FZD8: variants seen among roughly 807,000 people sequenced by gnomAD.
The protein encoded by FZD8 is frizzled-8.
FZD8 carries 18 observed loss-of-function variants against 46.0 expected under a neutral mutation model. That is an observed-to-expected ratio of 0.39 (90% CI 0.27 to 0.58). The LOEUF is 0.58. FZD8 is among the 20% of genes least tolerant of loss of function. The probability of loss-of-function intolerance (pLI) is 0.55; values close to 1 mark genes in which losing one functional copy is unlikely to be tolerated. For synonymous variants in FZD8, 586 were observed against 467.9 expected, an observed-to-expected ratio of 1.25 and a Z score of -3.26; for missense variants, 785 against 983.4, an observed-to-expected ratio of 0.80 and a Z score of 2.70.
In FZD8 at chr10:35,639,131, A is replaced by AGGGGCT. The variant is rs1835808082; in HGVS notation, c.*208_*213dup. 2 of 184,580 alleles carry AGGGGCT rather than the reference A, an allele frequency of 1.1e-5. No individual in the cohort carries two copies. Among genetic ancestry groups the AGGGGCT allele is most frequent in the African/African-American group, 4.7e-5 (2 of 42,324 alleles). The allele number at this position is 184,580 out of a possible 1,614,324, so 11.4% of individuals were successfully genotyped here. On this transcript the variant is annotated 3_prime_UTR_variant, in exon 1 of 1. Coordinates refer to ENST00000374694, the MANE Select transcript of FZD8 (RefSeq NM_031866.3). ...GCTCCCCGCACATCAATGGAGGAAA[A>AGGGGCT]GGGGCTGGGTCTGGGAGGCTTCAAT...
chr10:35,638,450 T>C lies in FZD8; in HGVS notation c.*895A>G, dbSNP rs534576675. On this transcript the variant is annotated 3_prime_UTR_variant, in exon 1 of 1. Transcript: ENST00000374694. The stretch of plus-strand genomic sequence containing the variant: ...ATTTCAGTTCAACAATGATATTTAC[T>C]TGGCTAACAACTTAAGAACTAGAGT... 6.5e-6 allele frequency: 1 copy of C among 152,866 alleles called. No homozygotes were observed. The highest frequency in any genetic ancestry group is 1.9e-4 in the East Asian group (1 of 5,332). 9.5% of individuals were successfully genotyped at this position (152,866 alleles called of 1,614,324 possible). A position where few individuals can be genotyped will look rare whatever the true frequency, so the allele number is the denominator to read the frequency against.
Position 35,641,156 on chromosome 10 carries a change from A to G in FZD8, c.274T>C (p.Tyr92His). The G allele has an allele frequency of 6.2e-7, 1 of 1,613,776 alleles. No homozygotes were observed. The highest frequency in any genetic ancestry group is 8.5e-7 in the Non-Finnish European group (1 of 1,179,848). The change falls in exon 1 of 1, where the codon TAC (tyrosine) becomes CAC (histidine). Residue 92 changes from tyrosine to histidine, a missense_variant. By Grantham distance (83) the Tyr-to-His change is moderately conservative (BLOSUM62 2). This residue lies in a region of FZD8 where 354 missense variants were observed against 433.2 expected (regional missense o/e 0.82). Transcript: ENST00000374694. This position sits in a 1 kb window ranked among gnomAD's most constrained non-coding sequence, Gnocchi z 6.3. ...PDLKFFLCSM[Y>H]TPICLEDYKK... ...TAGTCCTCTAGGCAGATGGGCGTGT[A>G]CATGCTGCACAGGAAGAACTTGAGA...
In FZD8 at chr10:35,641,241, G is replaced by C; in HGVS notation, c.189C>G (p.Asp63Glu). ...MPNQFNHDTQ[D>E]EAGLEVHQFW... is the part of the protein sequence containing the mutation. ...ACTGGTGCACCTCCAGGCCCGCCTCGTCTTGCGTGTCGTGGTTGAACTGAT... is the reference window on the plus strand; with the variant it reads ...ACTGGTGCACCTCCAGGCCCGCCTCCTCTTGCGTGTCGTGGTTGAACTGAT... Residue 63 changes from aspartate (D) to glutamate (E), a missense_variant, in exon 1 of 1, where the codon GAC (aspartate) becomes GAG (glutamate). By Grantham distance (45) the Asp-to-Glu change is conservative (BLOSUM62 2). Around this residue, in one of 5 missense-constraint regions of FZD8, gnomAD observed 354 missense variants for 433.2 expected, o/e 0.82. Transcript: ENST00000374694. The surrounding 1 kb of genome is among the most constrained non-coding windows in gnomAD (Gnocchi z 6.3). The C allele has an allele frequency of 6.2e-7, 1 of 1,614,076 alleles. No individual in the cohort carries two copies. The highest frequency in any genetic ancestry group is 8.5e-7 in the Non-Finnish European group (1 of 1,179,948).
chr10:35,639,831 C>T lies in FZD8; in HGVS notation c.1599G>A (p.Leu533=). ...THKLEKLMIR[L]GLFTVLYTVP... ...CGGTGTAGAGCACGGTGAACAGGCCCAGGCGGATCATCAGCTTCTCCAGCT... is the reference window on the plus strand; with the variant it reads ...CGGTGTAGAGCACGGTGAACAGGCCTAGGCGGATCATCAGCTTCTCCAGCT... Residue 533 remains leucine, a synonymous_variant, in exon 1 of 1, where the codon CTG becomes CTA. Coordinates refer to ENST00000374694, the MANE Select transcript of FZD8 (RefSeq NM_031866.3). 1.3e-6 allele frequency: 2 copies of T among 1,585,734 alleles called. No homozygotes were observed. Among genetic ancestry groups the T allele is most frequent in the Non-Finnish European group, 1.7e-6 (2 of 1,169,750 alleles).
In FZD8 at chr10:35,640,740, G is replaced by T; in HGVS notation, c.690C>A (p.Pro230=). The change falls in exon 1 of 1, where the codon CCC becomes CCA. Residue 230 remains proline, a synonymous_variant. Coordinates refer to ENST00000374694, the MANE Select transcript of FZD8 (RefSeq NM_031866.3). ...CCATAGGCGCGCGGCACTGGCACCC[G>T]GGCTCGCAGGGAGCCGCGCCGCCGC... The part of the protein sequence containing the change: ...PPGGGAAPCE[P]GCQCRAPMVS... 1 of 1,362,496 alleles carries T rather than the reference G, an allele frequency of 7.3e-7. No homozygotes were observed. The highest frequency in any genetic ancestry group is 9.6e-7 in the Non-Finnish European group (1 of 1,042,866). The allele number at this position is 1,362,496 out of a possible 1,614,324, so 84.4% of individuals were successfully genotyped here. A position where few individuals can be genotyped will look rare whatever the true frequency, so the allele number is the denominator to read the frequency against.
Position 35,639,388 on chromosome 10 carries a change from C to A in FZD8, c.2042G>T (p.Ser681Ile). 2.0e-6 allele frequency: 3 copies of A among 1,481,366 alleles called. No homozygotes were observed. Among genetic ancestry groups the A allele is most frequent in the Non-Finnish European group, 1.8e-6 (2 of 1,106,316 alleles). 91.8% of individuals were successfully genotyped at this position (1,481,366 alleles called of 1,614,324 possible). Residue 681 changes from serine (S) to isoleucine (I), a missense_variant, in exon 1 of 1, where the codon AGC becomes ATC. Ser to Ile is a moderately radical substitution (Grantham distance 142). Coordinates refer to ENST00000374694, the MANE Select transcript of FZD8 (RefSeq NM_031866.3). Reference protein sequence around the residue: ...TGLTWRSGTASSVSYPKQMPL... With the variant: ...TGLTWRSGTAISVSYPKQMPL... ...CATCTGCTTTGGATAAGACACGGAG[C>A]TCGCCGTGCCCGACCGCCACGTCAG... is the stretch of plus-strand genomic sequence containing the variant.
rs752279180 is a variant in FZD8 at position 35,640,478 on chromosome 10, C to T, written c.952G>A (p.Ala318Thr). 7 of 1,578,964 alleles carry T rather than the reference C, an allele frequency of 4.4e-6. No individual in the cohort carries two copies. The highest frequency in any genetic ancestry group is 5.2e-6 in the Non-Finnish European group (6 of 1,160,550). The stretch of plus-strand genomic sequence containing the variant: ...CCCACCGACACGAAGAGGTAGCAGG[C>T]CGAGAGGAAGATAATGGGCCGCTCC... ...YPERPIIFLS[A>T]CYLFVSVGYL... is the part of the protein sequence containing the mutation. Residue 318 changes from alanine (A) to threonine (T), a missense_variant, in exon 1 of 1, where the codon GCC becomes ACC. By Grantham distance (58) the Ala-to-Thr change is moderately conservative. Coordinates refer to ENST00000374694, the MANE Select transcript of FZD8 (RefSeq NM_031866.3).
Position 35,638,349 on chromosome 10 carries a change from AGTT to A in FZD8, c.*993_*995del, listed in dbSNP as rs528802307. ...TTCCATTTACATCCACTAAAGTGAG[AGTT>A]GTTATCCATGGATCAGAAAAGAGCT... On this transcript the variant is annotated 3_prime_UTR_variant, in exon 1 of 1. Coordinates refer to ENST00000374694, the MANE Select transcript of FZD8 (RefSeq NM_031866.3). 1,601 of 152,696 alleles carry A rather than the reference AGTT, an allele frequency of 0.01. 16 individuals carry two copies. The highest frequency in any genetic ancestry group is 0.02 in the Middle Eastern group (6 of 294). The allele number at this position is 152,696 out of a possible 1,614,324, so 9.5% of individuals were successfully genotyped here.
chr10:35,640,018 C>A lies in FZD8; in HGVS notation c.1412G>T (p.Cys471Phe). ...GTCCAGGCTCTGGTTGCCCACGTAG[C>A]AGATGCCCGCCACCGGGTCGCCGTC... ...SVDGDPVAGI[C>F]YVGNQSLDNL... The change falls in exon 1 of 1, where the codon TGC (cysteine) becomes TTC (phenylalanine). Residue 471 changes from cysteine (C) to phenylalanine (F), a missense_variant. Around this residue, in one of 5 missense-constraint regions of FZD8, gnomAD observed 147 missense variants for 242.5 expected, o/e 0.61. Transcript: ENST00000374694. 1 of 1,611,558 alleles carries A rather than the reference C, an allele frequency of 6.2e-7. No individual in the cohort carries two copies. Among genetic ancestry groups the A allele is most frequent in the Non-Finnish European group, 8.5e-7 (1 of 1,179,804 alleles).
Position 35,639,311 on chromosome 10 carries a change from T to TCCCCCCCCCCCCCGGGCGC in FZD8, c.*33_*34insGCGCCCGGGGGGGGGGGGG. ...CTGCACTTGGCTCTCCTCGCCCCCC[T>TCCCCCCCCCCCCCGGGCGC]CCCCACCCCTCCTGGGCGCCCCCTC... is the stretch of plus-strand genomic sequence containing the variant. On this transcript the variant is annotated 3_prime_UTR_variant, in exon 1 of 1. Coordinates refer to ENST00000374694, the MANE Select transcript of FZD8 (RefSeq NM_031866.3). 1 of 277,082 alleles carries TCCCCCCCCCCCCCGGGCGC rather than the reference T, an allele frequency of 3.6e-6. No homozygotes were observed. The allele number at this position is 277,082 out of a possible 1,614,324, so 17.2% of individuals were successfully genotyped here.
chr10:35,639,310 C>A lies in FZD8; in HGVS notation c.*35G>T, dbSNP rs528379270. The A allele has an allele frequency of 2.6e-5, 23 of 877,638 alleles. No individual in the cohort carries two copies. In the African/African-American group the frequency reaches 3.6e-4, roughly 14 times the overall value. 54.4% of individuals were successfully genotyped at this position (877,638 alleles called of 1,614,324 possible). Reference sequence around the variant, plus strand: ...GCTGCACTTGGCTCTCCTCGCCCCCCTCCCCACCCCTCCTGGGCGCCCCCT... The same window carrying A: ...GCTGCACTTGGCTCTCCTCGCCCCCATCCCCACCCCTCCTGGGCGCCCCCT... On this transcript the variant is annotated 3_prime_UTR_variant, in exon 1 of 1. Transcript: ENST00000374694.
Position 35,642,124 on chromosome 10 carries a change from C to T in FZD8, c.-695G>A, listed in dbSNP as rs1002287975. 1.3e-5 allele frequency: 2 copies of T among 153,140 alleles called. No individual in the cohort carries two copies. The highest frequency in any genetic ancestry group is 1.9e-4 in the South Asian group (1 of 5,360). The allele number at this position is 153,140 out of a possible 1,614,324, so 9.5% of individuals were successfully genotyped here. A position where few individuals can be genotyped will look rare whatever the true frequency, so the allele number is the denominator to read the frequency against. On this transcript the variant is annotated 5_prime_UTR_variant, in exon 1 of 1. Transcript: ENST00000374694. ...GCCTGGAAAAGTCAGCGCCGCGCTC[C>T]GGCCGCAGTCGGGCGAGGTGCACAC...
rs868859344 is a variant in FZD8, at chr10:35,641,874, C to T, written c.-445G>A. On this transcript the variant is annotated 5_prime_UTR_variant, in exon 1 of 1. Transcript: ENST00000374694. The surrounding 1 kb of genome is among the most constrained non-coding windows in gnomAD (Gnocchi z 6.3). ...AGAGGGCGGAGGCGCCGCAAGTTTC[C>T]TCTGGGGCCGCGGTGCGCAGTCAAG... 6.5e-6 allele frequency: 1 copy of T among 153,094 alleles called. No individual in the cohort carries two copies. The highest frequency in any genetic ancestry group is 1.5e-5 in the Non-Finnish European group (1 of 68,796). The allele number at this position is 153,094 out of a possible 1,614,324, so 9.5% of individuals were successfully genotyped here. A position where few individuals can be genotyped will look rare whatever the true frequency, so the allele number is the denominator to read the frequency against.
Position 35,640,701 on chromosome 10 carries a change from G to A in FZD8, c.729C>T (p.Ser243=), listed in dbSNP as rs1390635599. Residue 243 remains serine (S), a synonymous_variant, in exon 1 of 1, where the codon AGC becomes AGT. Coordinates refer to ENST00000374694, the MANE Select transcript of FZD8 (RefSeq NM_031866.3). ...QCRAPMVSVS[S]ERHPLYNRVK... Reference sequence around the variant, plus strand: ...CGCGGTTGTAGAGCGGGTGGCGCTCGCTGGACACGCTCACCATAGGCGCGC... The same window carrying A: ...CGCGGTTGTAGAGCGGGTGGCGCTCACTGGACACGCTCACCATAGGCGCGC... The A allele has an allele frequency of 2.6e-6, 4 of 1,517,176 alleles. No individual in the cohort carries two copies. Among genetic ancestry groups the A allele is most frequent in the Middle Eastern group, 1.8e-4 (1 of 5,654 alleles). The allele number at this position is 1,517,176 out of a possible 1,614,324, so 94.0% of individuals were successfully genotyped here. A position where few individuals can be genotyped will look rare whatever the true frequency, so the allele number is the denominator to read the frequency against.
rs1444702924 is a variant in FZD8 at position 35,638,739 on chromosome 10, C to T, written c.*606G>A. 2 of 150,546 alleles carry T rather than the reference C, an allele frequency of 1.3e-5. No individual in the cohort carries two copies. Among genetic ancestry groups the T allele is most frequent in the Non-Finnish European group, 3.0e-5 (2 of 67,434 alleles). 9.3% of individuals were successfully genotyped at this position (150,546 alleles called of 1,614,324 possible). A position where few individuals can be genotyped will look rare whatever the true frequency, so the allele number is the denominator to read the frequency against. On this transcript the variant is annotated 3_prime_UTR_variant, in exon 1 of 1. Coordinates refer to ENST00000374694, the MANE Select transcript of FZD8 (RefSeq NM_031866.3). Reference sequence around the variant, plus strand: ...TCTTTGGATATATACATATTTTACACTTTTTTTTTTACAATTTAACAAATA... The same window carrying T: ...TCTTTGGATATATACATATTTTACATTTTTTTTTTTACAATTTAACAAATA...
Position 35,638,953 on chromosome 10 carries a change from C to T in FZD8, c.*392G>A, listed in dbSNP as rs1223046871. 6.6e-6 allele frequency: 1 copy of T among 152,408 alleles called. No individual in the cohort carries two copies. The highest frequency in any genetic ancestry group is 2.4e-5 in the African/African-American group (1 of 41,240). 9.4% of individuals were successfully genotyped at this position (152,408 alleles called of 1,614,324 possible). A position where few individuals can be genotyped will look rare whatever the true frequency, so the allele number is the denominator to read the frequency against. ...GGGTGGGAGTTTACGTAGGAAGAGT[C>T]GAGGGAGAAAAAGAGGTTCTCCCAG... On this transcript the variant is annotated 3_prime_UTR_variant, in exon 1 of 1. Transcript: ENST00000374694.
chr10:35,640,437 C>G lies in FZD8; in HGVS notation c.993G>C (p.Leu331=). The G allele has an allele frequency of 6.7e-7, 1 of 1,485,110 alleles. No homozygotes were observed. Among genetic ancestry groups the G allele is most frequent in the East Asian group, 2.7e-5 (1 of 37,230 alleles). The allele number at this position is 1,485,110 out of a possible 1,614,324, so 92.0% of individuals were successfully genotyped here. A position where few individuals can be genotyped will look rare whatever the true frequency, so the allele number is the denominator to read the frequency against. ...ACGCCACCTTCTCGTGGCCCGCCAC[C>G]AGGCGCACTAGGTAGCCCACCGACA... ...LFVSVGYLVR[L]VAGHEKVACS... is the part of the protein sequence containing the mutation. The change falls in exon 1 of 1, where the codon CTG becomes CTC. Residue 331 remains leucine, a synonymous_variant. Coordinates refer to ENST00000374694, the MANE Select transcript of FZD8 (RefSeq NM_031866.3).
rs1835827218 is a variant in FZD8 at position 35,639,926 on chromosome 10, C to A, written c.1504G>T (p.Ala502Ser). The A allele has an allele frequency of 6.2e-7, 1 of 1,612,786 alleles. No homozygotes were observed. The change falls in exon 1 of 1, where the codon GCC (alanine) becomes TCC (serine). Residue 502 changes from alanine (A) to serine (S), a missense_variant. By Grantham distance (99) the Ala-to-Ser change is moderately conservative (BLOSUM62 1). Around this residue, in one of 5 missense-constraint regions of FZD8, gnomAD observed 147 missense variants for 242.5 expected, o/e 0.61. Transcript: ENST00000374694. ...ATGCGGAAGAGGGACACGAAGCCGGCCAGCAGGAACATGGTGCCGATGAAG... is the reference window on the plus strand; with the variant it reads ...ATGCGGAAGAGGGACACGAAGCCGGACAGCAGGAACATGGTGCCGATGAAG... ...YLFIGTMFLL[A>S]GFVSLFRIRS...
chr10:35,641,442 G>C lies in FZD8; in HGVS notation c.-13C>G. On this transcript the variant is annotated 5_prime_UTR_variant, in exon 1 of 1. Coordinates refer to ENST00000374694, the MANE Select transcript of FZD8 (RefSeq NM_031866.3). This position sits in a 1 kb window ranked among gnomAD's most constrained non-coding sequence, Gnocchi z 6.3. ...AACCCCACTCCATGCTGTGCGCCTC[G>C]GCCCGGTGCCCTCGCCCTCCAGGCG... is the stretch of plus-strand genomic sequence containing the variant. The C allele has an allele frequency of 3.2e-6, 5 of 1,584,658 alleles. No homozygotes were observed. Among genetic ancestry groups the C allele is most frequent in the Non-Finnish European group, 3.4e-6 (4 of 1,168,154 alleles).
Sources: allele counts gnomAD v4.1 joint callset, GRCh38; gene constraint gnomAD v4.1.1; regional missense constraint gnomAD v4.1.1; non-coding constraint Gnocchi (gnomAD v3.1); transcripts MANE v1.5; gene names NCBI Gene and HGNC (gene_info 2026-07-23, HGNC 2026-07-21).